Variants in LARGE1 observed in about 807,000 individuals in gnomAD.
LARGE1 encodes the protein LARGE xylosyl- and glucuronyltransferase 1, also known as xylosyl- and glucuronyltransferase LARGE1.
LARGE1 carries 43 observed loss-of-function variants against 87.6 expected under a neutral mutation model. The ratio of observed to expected loss-of-function variants is 0.49; its 90% CI spans 0.38 to 0.63. The LOEUF is 0.63. Ranked by LOEUF, LARGE1 falls within the 30% of genes least tolerant of loss-of-function variation. LARGE1 has a pLI of 0.00. For synonymous variants in LARGE1, 434 were observed against 394.6 expected (o/e 1.10, Z -1.18); for missense variants, 802 against 1,000.2 (o/e 0.80, Z 2.67).
intron 10 of LARGE1, among the ~76,000 whole-genome samples, chr22:33,323,776 G>C (rs911980009): frequency 1.3e-5 from 2 of 152,194 alleles, no homozygotes; most frequent in African/African-American, 4.8e-5. Flanking sequence ...TCTCAAATGA[G>C]CTAATGCACG....
chr22:33,367,612 G>C (rs1388699336), intron 9 of LARGE1, among the ~76,000 whole-genome samples: 2 of 152,056 alleles, frequency 1.3e-5, no homozygotes, highest in Admixed American at 6.6e-5. Flanking sequence ...TTTTGGTAGA[G>C]ATGGAGGTCT....
At chr22:33,086,328 T>C in the LARGE1 span, among the ~76,000 whole-genome samples, 3 of 152,196 alleles carry the variant, frequency 2.0e-5, no homozygotes, top group Non-Finnish European at 2.9e-5. Flanking sequence ...TTCCATATTT[T>C]AGGTCATGGG....
At chr22:33,744,006 T>C (rs2083986322) in intron 2 of LARGE1, 1 of 152,228 alleles carries the variant, frequency 6.6e-6, no homozygotes. Flanking sequence ...TTTTCCATCA[T>C]GCCCCGCTGG....
At chr22:33,631,842 A>G (rs1485582914) in intron 3 of LARGE1, among the ~76,000 whole-genome samples, 2 of 152,220 alleles carry the variant, frequency 1.3e-5, no homozygotes, top group African/African-American at 4.8e-5. Context: ...TCACACCAAC[A>G]TCACCAAACA....
chr22:33,171,861 C>A (rs1411379811), intron 11 of LARGE1, among the ~76,000 whole-genome samples: 1 of 152,176 alleles, frequency 6.6e-6, no homozygotes, highest in Non-Finnish European at 1.5e-5. Flanking sequence ...TGGGGCACTG[C>A]CTAGTGAGAA....
intron 4 of LARGE1, among the ~76,000 whole-genome samples, chr22:33,615,807 T>C (rs1374134458): frequency 1.3e-5 from 2 of 152,108 alleles, no homozygotes; most frequent in Admixed American, 6.6e-5. Context: ...ATAAAGATAC[T>C]TTACAGCTCA....
intron 12 of LARGE1, among the ~76,000 whole-genome samples, chr22:33,286,901 A>G (rs1001182493): frequency 1.3e-5 from 2 of 152,220 alleles, no homozygotes; most frequent in Non-Finnish European, 2.9e-5. Flanking sequence ...TATACATAGA[A>G]GCAAGCTCTC....
intron 2 of LARGE1, among the ~76,000 whole-genome samples, chr22:33,690,779 G>A (rs149937302): frequency 3.9e-5 from 6 of 152,070 alleles, no homozygotes; most frequent in South Asian, 2.1e-4. Context: ...TAGGGGCCCC[G>A]CTAGCTGATG....
intron 10 of LARGE1, among the ~76,000 whole-genome samples, chr22:33,324,436 C>G (rs947673422): frequency 6.6e-6 from 1 of 151,938 alleles, no homozygotes; most frequent in Non-Finnish European, 1.5e-5. Flanking sequence ...CTGTACTCTG[C>G]TCTCTGGCCA....
chr22:33,818,643 G>C (rs916743696), intron 1 of LARGE1, among the ~76,000 whole-genome samples: 1 of 152,162 alleles, frequency 6.6e-6, no homozygotes, highest in African/African-American at 2.4e-5. Flanking sequence ...TGCTTCTTGA[G>C]GGCAGCCTCT....
chr22:33,220,406 A>T (rs1925402331), intron 11 of LARGE1, among the ~76,000 whole-genome samples: 1 of 152,248 alleles, frequency 6.6e-6, no homozygotes, highest in South Asian at 2.1e-4. Context: ...AAAATAAACA[A>T]GCAAAAAGAC....
chr22:33,819,130 T>G (rs920431718), intron 1 of LARGE1, among the ~76,000 whole-genome samples: 1 of 152,158 alleles, frequency 6.6e-6, no homozygotes, highest in African/African-American at 2.4e-5. Flanking sequence ...AGCAGCCCAG[T>G]CCCAGATGTC....
At chr22:33,118,207 G>T in the LARGE1 span, among the ~76,000 whole-genome samples, 63 of 152,306 alleles carry the variant, frequency 4.1e-4, 2 homozygotes, top group South Asian at 0.013. Flanking sequence ...TTATGGCTGG[G>T]CACAGTGGCT....
rs569376425 is a variant in LARGE1, at chr22:33,688,156, G to A, written c.107-37488C>T. On this transcript the variant is annotated intron_variant, in intron 2 of 14. Coordinates refer to ENST00000397394, the MANE Select transcript of LARGE1 (RefSeq NM_133642.5). ...CCTTGGGATGAGATCCTACTCGAAC[G>A]CTGTCTCTATCTCAATGTCCACCTA... Among the ~76,000 whole-genome samples the A allele has an allele frequency of 1.2e-4, 19 of 152,244 alleles. No individual in the cohort carries two copies. In the South Asian group the frequency reaches 3.5e-3, roughly 28 times the overall value.
intron 1 of LARGE1, among the ~76,000 whole-genome samples, chr22:33,901,587 C>T (rs554619518): frequency 6.6e-6 from 1 of 152,278 alleles, no homozygotes; most frequent in East Asian, 1.9e-4. Context: ...GGGAGAATCG[C>T]TTAAGCCCAG....
At chr22:33,728,576 A>AAAAAAAAAAAAAAAAAAAAAAC in intron 2 of LARGE1, among the ~76,000 whole-genome samples, 1 of 103,732 alleles carries the variant, frequency 9.6e-6, no homozygotes, top group Admixed American at 1.2e-4. Flanking sequence ...AAAAAAAAAA[A>AAAAAAAAAAAAAAAAAAAAAAC]AAACCAACAA....
chr22:33,838,083 T>C (rs2063161146), intron 1 of LARGE1, among the ~76,000 whole-genome samples: 1 of 152,188 alleles, frequency 6.6e-6, no homozygotes. Flanking sequence ...GAAATTTAAT[T>C]TTCACGTGCT....
intron 12 of LARGE1, among the ~76,000 whole-genome samples, chr22:33,294,026 C>A (rs1037506866): frequency 1.1e-4 from 16 of 152,232 alleles, no homozygotes; most frequent in African/African-American, 3.4e-4. Flanking sequence ...CTGAAGGCAT[C>A]TTTCTACTCT....
At chr22:33,111,732 TGAG>T in the LARGE1 span, among the ~76,000 whole-genome samples, 1 of 152,342 alleles carries the variant, frequency 6.6e-6, no homozygotes, top group African/African-American at 2.4e-5. Context: ...GAAGGTTGCT[TGAG>T]GTCAGCTCCC....
Sources: allele counts gnomAD v4.1 joint callset (sites outside exome capture counted in the v4.1 genomes callset), GRCh38; gene constraint gnomAD v4.1.1; transcripts MANE v1.5; gene names NCBI Gene and HGNC (gene_info 2026-07-23, HGNC 2026-07-21).